FOCAD: variants seen among roughly 807,000 people sequenced by gnomAD.
FOCAD encodes the protein focadhesin, also known as KIAA1797.
In FOCAD, 198 loss-of-function variants were observed where a neutral mutation model predicts 225.6. The observed-to-expected ratio is 0.88, with a 90% CI of 0.78 to 0.99. FOCAD has a LOEUF of 0.99. Ranked by LOEUF, FOCAD falls within the 50% of genes least tolerant of loss-of-function variation. FOCAD has a pLI of 0.00. For synonymous variants in FOCAD, 897 were observed against 755.0 expected (o/e 1.19, Z -3.08); for missense variants, 2,713 against 2,123.6 (o/e 1.28, Z -5.46).
chr9:20,863,310 A>G (rs1828945034), intron 16 of FOCAD: 2 of 150,398 alleles, frequency 1.3e-5, no homozygotes, highest in Non-Finnish European at 3.0e-5. Context: ...GCAGCAGTTG[A>G]TTTTCACTTG....
chr9:20,713,990 G>A (rs1379106344), intron 1 of FOCAD, among the ~76,000 whole-genome samples: 1 of 152,278 alleles, frequency 6.6e-6, no homozygotes, highest in Non-Finnish European at 1.5e-5. Context: ...TGTCAAATTC[G>A]GGGAGGAAAG....
intron 11 of FOCAD, among the ~76,000 whole-genome samples, chr9:20,799,596 A>T (rs565675979): frequency 7.6e-4 from 115 of 152,256 alleles, no homozygotes; most frequent in African/African-American, 2.7e-3. Flanking sequence ...CTTTACCATT[A>T]TGTAATGGCC....
At chr9:20,667,437 T>C (rs1821928506) in intron 2 of FOCAD, among the ~76,000 whole-genome samples, 1 of 152,242 alleles carries the variant, frequency 6.6e-6, no homozygotes, top group African/African-American at 2.4e-5. Flanking sequence ...TATAATTTTA[T>C]AATTGGGAAT....
chr9:20,848,104 A>T (rs921590913), intron 15 of FOCAD, among the ~76,000 whole-genome samples: 2 of 152,072 alleles, frequency 1.3e-5, no homozygotes, highest in African/African-American at 4.8e-5. Flanking sequence ...GGTGCATACA[A>T]ATTTATTTGA....
chr9:20,710,471 C>T (rs1408878496), intron 1 of FOCAD, among the ~76,000 whole-genome samples: 1 of 151,718 alleles, frequency 6.6e-6, no homozygotes, highest in Non-Finnish European at 1.5e-5. Flanking sequence ...GTGGCGGGCA[C>T]CTGTAATCCC....
At chr9:20,921,904 A>G (rs2132129722) in intron 24 of FOCAD, among the ~76,000 whole-genome samples, 1 of 152,242 alleles carries the variant, frequency 6.6e-6, no homozygotes, top group South Asian at 2.1e-4. Context: ...GACTTTTGAT[A>G]CCCAGATTCT....
chr9:20,658,004 C>T (rs1464842645), upstream of FOCAD, among the ~76,000 whole-genome samples: 1,570 of 142,842 alleles, frequency 0.011, 22 homozygotes, highest in African/African-American at 0.037. Context: ...ACAGACAGGA[C>T]CCTCAGCTGC....
At chr9:20,694,408 A>T (rs1029562756) in intron 1 of FOCAD, 7 of 152,220 alleles carry the variant, frequency 4.6e-5, no homozygotes, top group African/African-American at 1.7e-4. Flanking sequence ...TGAAGCTATT[A>T]TAAGGAGTGT....
intron 6 of FOCAD, among the ~76,000 whole-genome samples, chr9:20,759,582 C>A (rs183730730): frequency 2.8e-3 from 424 of 152,144 alleles, no homozygotes; most frequent in Middle Eastern, 0.01. Context: ...TAAAGACTTA[C>A]ATGTTAGACC....
At chr9:20,730,605 T>G (rs377735273) in intron 4 of FOCAD, among the ~76,000 whole-genome samples, 2 of 152,202 alleles carry the variant, frequency 1.3e-5, no homozygotes, top group African/African-American at 4.8e-5. Flanking sequence ...TTCAAAAATC[T>G]TATTGCTATT....
In FOCAD at chr9:20,789,547, G is replaced by A; in HGVS notation, c.1394G>A (p.Gly465Glu). The A allele has an allele frequency of 6.2e-7, 1 of 1,613,924 alleles. No homozygotes were observed. The highest frequency in any genetic ancestry group is 8.5e-7 in the Non-Finnish European group (1 of 1,179,962). ...LLAHLLVEDK[G>E]QNLHQILKVT... is the part of the protein sequence containing the mutation. Reference sequence around the variant, plus strand: ...GCTCACCTCCTTGTTGAAGACAAAGGACAAAATCTTCACCAAATACTCAAG... The same window carrying A: ...GCTCACCTCCTTGTTGAAGACAAAGAACAAAATCTTCACCAAATACTCAAG... The change falls in exon 11 of 44, where the codon GGA becomes GAA. Residue 465 changes from glycine to glutamate, a missense_variant. Physicochemically the swap from Gly to Glu is moderately conservative, Grantham distance 98 (BLOSUM62 -2). Coordinates refer to ENST00000338382, the MANE Select transcript of FOCAD (RefSeq NM_001375567.1).
intron 1 of FOCAD, among the ~76,000 whole-genome samples, chr9:20,703,017 C>G (rs955772797): frequency 6.6e-6 from 1 of 151,928 alleles, no homozygotes; most frequent in East Asian, 1.9e-4. Flanking sequence ...ACAAAAAAAA[C>G]AAAACAAAAC....
Position 20,976,444 on chromosome 9 carries a change from T to G in FOCAD, c.4157T>G (p.Leu1386Arg). The stretch of plus-strand genomic sequence containing the variant: ...GGTCCTGAATCTGTGCCTCCTTCCC[T>G]TCTTAAAGTAGTGATGAAACCCATA... ...KKGPESVPPS[L>R]LKVVMKPIAT... The change falls in exon 36 of 44, where the codon CTT (leucine) becomes CGT (arginine). Residue 1386 changes from leucine to arginine, a missense_variant. Transcript: ENST00000338382. 6.2e-7 allele frequency: 1 copy of G among 1,613,200 alleles called. No homozygotes were observed. The highest frequency in any genetic ancestry group is 8.5e-7 in the Non-Finnish European group (1 of 1,179,274).
At chr9:20,879,572 A>G (rs1228294031) in intron 19 of FOCAD, among the ~76,000 whole-genome samples, 1 of 152,168 alleles carries the variant, frequency 6.6e-6, no homozygotes, top group Non-Finnish European at 1.5e-5. Context: ...TGATCCATTC[A>G]GCTGTTGAGG....
At chr9:20,657,892 T>C (rs1455719351), upstream of FOCAD, among the ~76,000 whole-genome samples, 1 of 129,594 alleles carries the variant, frequency 7.7e-6, no homozygotes, top group East Asian at 2.2e-4. Context: ...TTCTGTTTTT[T>C]CCCCATCTTT....
chr9:20,813,245 G>A (rs1823280383), intron 11 of FOCAD, among the ~76,000 whole-genome samples: 1 of 152,094 alleles, frequency 6.6e-6, no homozygotes, highest in Non-Finnish European at 1.5e-5. Flanking sequence ...ACCACACTGT[G>A]TTTATCCATT....
intron 1 of FOCAD, among the ~76,000 whole-genome samples, chr9:20,704,183 A>G (rs1297580404): frequency 6.6e-6 from 1 of 152,222 alleles, no homozygotes; most frequent in East Asian, 1.9e-4. Flanking sequence ...GTACTGCGAT[A>G]ACTTTGTTTT....
chr9:20,702,324 G>A (rs1050602699), intron 1 of FOCAD, among the ~76,000 whole-genome samples: 4 of 151,952 alleles, frequency 2.6e-5, no homozygotes, highest in East Asian at 3.9e-4. Context: ...GGTTGATTTC[G>A]AACCCCTGGC....
intron 24 of FOCAD, among the ~76,000 whole-genome samples, chr9:20,920,811 T>C (rs946463658): frequency 7.3e-4 from 104 of 142,652 alleles, no homozygotes; most frequent in African/African-American, 2.2e-3. Context: ...TGGGGACTGT[T>C]GTGGGGTGGG....
Sources: gnomAD v4.1 joint callset for allele counts (sites outside exome capture counted in the v4.1 genomes callset) on GRCh38, gnomAD v4.1.1 for gene constraint, MANE v1.5 for transcripts, NCBI Gene and HGNC (gene_info 2026-07-23, HGNC 2026-07-21) for gene names.